REXO4: variants seen among roughly 807,000 people sequenced by gnomAD.
REXO4 encodes the protein REX4 homolog, 3'-5' exonuclease.
In REXO4, 29 loss-of-function variants were observed where a neutral mutation model predicts 39.9. That is an observed-to-expected ratio of 0.73 (90% CI 0.54 to 0.99). The LOEUF (loss-of-function observed/expected upper bound fraction) is 0.99, where lower values mean the gene tolerates loss of function less well. Among genes scored for constraint, REXO4 ranks in the 50% least tolerant of loss-of-function variants. The pLI, the probability that REXO4 is intolerant of heterozygous loss-of-function variation, is 0.00. For synonymous variants in REXO4, 184 were observed against 206.2 expected (o/e 0.89, Z 0.92); for missense variants, 524 against 546.5 (o/e 0.96, Z 0.41).
intron 1 of REXO4, among the ~76,000 whole-genome samples, chr9:133,415,411 C>CT (rs11428403): frequency 0.069 from 9,959 of 143,464 alleles, 423 homozygotes; most frequent in Admixed American, 0.12. Context: ...ACAGAAATCG[C>CT]TTTTTTTTTT....
At chr9:133,407,911 C>T in intron 6 of REXO4, 30 bp from the exon 7 acceptor site, 5 of 1,583,086 alleles carry the variant, frequency 3.2e-6, no homozygotes, top group Non-Finnish European at 4.3e-6. Flanking sequence ...GGGTGGGGGC[C>T]TCTGCAGGCT....
Position 133,407,063 on chromosome 9 carries a change from C to A in REXO4, c.1159G>T (p.Ala387Ser). Residue 387 changes from alanine (A) to serine (S), a missense_variant, in exon 8 of 8, where the codon GCC (alanine) becomes TCC (serine). Ala to Ser is a moderately conservative substitution (Grantham distance 99). Transcript: ENST00000371942. ...QQAEHCSIQD[A>S]QAAMRLYVMV... ...ACGTACAGCCTCATTGCTGCCTGGG[C>A]ATCCTGAATCTAGACGACATGAAAC... 2.5e-6 allele frequency: 4 copies of A among 1,613,038 alleles called. No individual in the cohort carries two copies. Among genetic ancestry groups the A allele is most frequent in the Non-Finnish European group, 3.4e-6 (4 of 1,180,024 alleles).
intron 2 of REXO4, 35 bp downstream of exon 2, chr9:133,414,630 C>T (rs1839452639): frequency 1.3e-6 from 2 of 1,598,270 alleles, no homozygotes; most frequent in Non-Finnish European, 1.7e-6. Flanking sequence ...AGTCGCTGTG[C>T]CTCGGTTCTC....
chr9:133,417,687 G>T lies in REXO4; in HGVS notation c.158C>A (p.Pro53His). The change falls in exon 1 of 8, where the codon CCC (proline) becomes CAC (histidine). Residue 53 changes from proline to histidine, a missense_variant. Physicochemically the swap from Pro to His is moderately conservative, Grantham distance 77. Coordinates refer to ENST00000371942, the MANE Select transcript of REXO4 (RefSeq NM_020385.4). ...REVSKKPASG[P>H]GAVVRPPKAP... ...CTTTGGAGGTCGCACCACAGCACCG[G>T]GGCCGCTTGCTGGCTTCTTGCTTAC... 1 of 1,614,112 alleles carries T rather than the reference G, an allele frequency of 6.2e-7. No individual in the cohort carries two copies. Among genetic ancestry groups the T allele is most frequent in the South Asian group, 1.1e-5 (1 of 91,080 alleles).
Position 133,414,784 on chromosome 9 carries a change from T to C in REXO4, c.453A>G (p.Gly151=). 3.1e-6 allele frequency: 5 copies of C among 1,614,186 alleles called. No homozygotes were observed. Among genetic ancestry groups the C allele is most frequent in the Non-Finnish European group, 4.2e-6 (5 of 1,180,024 alleles). Residue 151 remains glycine, a synonymous_variant, in exon 2 of 8, where the codon GGA becomes GGG. Transcript: ENST00000371942. The part of the protein sequence containing the change: ...RAPVPRTKAS[G]TEHNKKGTKE... ...TGGTTCCTTTCTTATTGTGCTCTGT[T>C]CCACTGGCCTTGGTGCGAGGTACTG...
chr9:133,416,266 G>T (rs781828307), intron 1 of REXO4, among the ~76,000 whole-genome samples: 3 of 152,166 alleles, frequency 2.0e-5, no homozygotes, highest in Admixed American at 6.5e-5. Flanking sequence ...GAACTTACTC[G>T]TTACTGAGGG....
intron 3 of REXO4, 110 bp downstream of exon 3, chr9:133,412,668 G>A (rs1839284954): frequency 1.3e-6 from 2 of 1,488,150 alleles, no homozygotes; most frequent in South Asian, 2.4e-5. Context: ...ACCCTGGGAG[G>A]TGCTTGCCTC....
rs782439812 is a variant in REXO4, at chr9:133,414,929, A to G, written c.308T>C (p.Ile103Thr). ...QMGSKKKPKI[I>T]QQNKKETSPQ... ...CGAGGTCTCTTTTTTGTTTTGCTGG[A>G]TAATTTTGGGCTTCTTTTTGGAACC... Residue 103 changes from isoleucine (I) to threonine (T), a missense_variant, in exon 2 of 8, where the codon ATC becomes ACC. By Grantham distance (89) the Ile-to-Thr change is moderately conservative. Coordinates refer to ENST00000371942, the MANE Select transcript of REXO4 (RefSeq NM_020385.4). 1.2e-6 allele frequency: 2 copies of G among 1,613,622 alleles called. No homozygotes were observed. The highest frequency in any genetic ancestry group is 1.7e-5 in the Admixed American group (1 of 59,950).
Position 133,406,944 on chromosome 9 carries a change from G to A in REXO4, c.*9C>T. 6.2e-7 allele frequency: 1 copy of A among 1,609,686 alleles called. No individual in the cohort carries two copies. Among genetic ancestry groups the A allele is most frequent in the South Asian group, 1.1e-5 (1 of 91,072 alleles). ...GTAGCGGGGCGGCAGCAGCAGCAGGGCAGGACTGCTAGGCGTCGTCACTGC... is the reference window on the plus strand; with the variant it reads ...GTAGCGGGGCGGCAGCAGCAGCAGGACAGGACTGCTAGGCGTCGTCACTGC... On this transcript the variant is annotated 3_prime_UTR_variant, in exon 8 of 8. Coordinates refer to ENST00000371942, the MANE Select transcript of REXO4 (RefSeq NM_020385.4).
chr9:133,407,124 A>G, intron 7 of REXO4, 52 bp from the exon 8 acceptor site: 6 of 1,606,260 alleles, frequency 3.7e-6, no homozygotes, highest in Non-Finnish European at 4.2e-6. Flanking sequence ...CGCAGCCCAC[A>G]GTCAACCCCA....
chr9:133,417,886 C>T lies in REXO4; in HGVS notation c.-42G>A. 6.4e-7 allele frequency: 1 copy of T among 1,567,394 alleles called. No homozygotes were observed. The highest frequency in any genetic ancestry group is 1.4e-5 in the African/African-American group (1 of 73,926). On this transcript the variant is annotated 5_prime_UTR_variant, in exon 1 of 8. Coordinates refer to ENST00000371942, the MANE Select transcript of REXO4 (RefSeq NM_020385.4). Reference sequence around the variant, plus strand: ...GCCTGGGCCGGCGGCCACCCGAGACCCCGGCCTCCCCGGGCCCGGCGCCCT... The same window carrying T: ...GCCTGGGCCGGCGGCCACCCGAGACTCCGGCCTCCCCGGGCCCGGCGCCCT...
chr9:133,411,443 A>T (rs1839208160), intron 4 of REXO4, among the ~76,000 whole-genome samples: 1 of 152,122 alleles, frequency 6.6e-6, no homozygotes, highest in Admixed American at 6.5e-5. Context: ...CAATTTCCCA[A>T]ATGGAAATAA....
At chr9:133,417,363 A>G (rs1839702838) in intron 1 of REXO4, among the ~76,000 whole-genome samples, 1 of 152,216 alleles carries the variant, frequency 6.6e-6, no homozygotes, top group Non-Finnish European at 1.5e-5. Flanking sequence ...AATCCATTCT[A>G]GTTAGTTCAT....
chr9:133,414,138 C>G (rs1033726481), intron 2 of REXO4, among the ~76,000 whole-genome samples: 2 of 152,202 alleles, frequency 1.3e-5, no homozygotes, highest in Non-Finnish European at 2.9e-5. Context: ...AGTGCAATCA[C>G]AGCTCACTGC....
intron 7 of REXO4, 26 bp from the exon 8 acceptor site, chr9:133,407,098 G>A (rs1554779041): frequency 6.2e-7 from 1 of 1,611,000 alleles, no homozygotes; most frequent in Non-Finnish European, 8.5e-7. Flanking sequence ...CATCCCAGCA[G>A]GTGACGAGGC....
At chr9:133,416,097 A>C (rs914819919) in intron 1 of REXO4, among the ~76,000 whole-genome samples, 7 of 152,232 alleles carry the variant, frequency 4.6e-5, no homozygotes, top group Admixed American at 4.6e-4. Context: ...GTTGTACAAG[A>C]AGCATGGTGC....
intron 1 of REXO4, among the ~76,000 whole-genome samples, chr9:133,415,251 T>C (rs890191442): frequency 8.5e-5 from 13 of 152,194 alleles, no homozygotes; most frequent in African/African-American, 2.9e-4. Context: ...ATTTTGCACC[T>C]GCTCCTTCAT....
At chr9:133,417,438 C>A (rs1324020683) in intron 1 of REXO4, among the ~76,000 whole-genome samples, 182 bp downstream of exon 1, 1 of 152,256 alleles carries the variant, frequency 6.6e-6, no homozygotes, top group Non-Finnish European at 1.5e-5. Flanking sequence ...TCATCAATTT[C>A]TTTCAAGCAA....
At chr9:133,414,432 G>A (rs1839430101) in intron 2 of REXO4, 4 of 690,894 alleles carry the variant, frequency 5.8e-6, no homozygotes, top group African/African-American at 1.7e-5. Flanking sequence ...CCACACACGT[G>A]TACTGGCACC....
Sources: gnomAD v4.1 joint callset for allele counts (sites outside exome capture counted in the v4.1 genomes callset) on GRCh38, gnomAD v4.1.1 for gene constraint, MANE v1.5 for transcripts, NCBI Gene and HGNC (gene_info 2026-07-23, HGNC 2026-07-21) for gene names.